The following SLC35A3 variants were observed in gnomAD, a reference collection of about 807,000 sequenced individuals.
SLC35A3 encodes solute carrier family 35 member A3.
Under a neutral mutation model 39.0 loss-of-function variants are expected in SLC35A3, and 26 were observed. The ratio of observed to expected loss-of-function variants is 0.67; its 90% confidence interval spans 0.49 to 0.92. The LOEUF (loss-of-function observed/expected upper bound fraction) is 0.92, where lower values mean the gene tolerates loss of function less well. Among genes scored for constraint, SLC35A3 ranks in the 40% least tolerant of loss-of-function variants. The pLI, the probability that SLC35A3 is intolerant of heterozygous loss-of-function variation, is 0.00. For missense variants in SLC35A3, 299 were observed against 371.6 expected, an observed-to-expected ratio of 0.80 and a Z score of 1.61; for synonymous variants, 135 against 133.1, an observed-to-expected ratio of 1.01 and a Z score of -0.10.
At chr1:99,987,753 T>C (rs2101093053) in intron 1 of SLC35A3, among the ~76,000 whole-genome samples, 1 of 152,272 alleles carries the variant, frequency 6.6e-6, no homozygotes, top group African/African-American at 2.4e-5. Flanking sequence ...CCTGGTAGCT[T>C]GATAGCTTGG....
intron 1 of SLC35A3, chr1:99,970,565 T>C (rs1656744870): frequency 6.5e-7 from 1 of 1,535,838 alleles, no homozygotes; most frequent in Non-Finnish European, 8.7e-7. Flanking sequence ...TTGAGCCCTG[T>C]GGTAGGCACA....
intron 1 of SLC35A3, among the ~76,000 whole-genome samples, chr1:99,990,592 A>C (rs758815797): frequency 2.6e-5 from 4 of 152,160 alleles, no homozygotes; most frequent in Non-Finnish European, 5.9e-5. Flanking sequence ...AAATAAATAA[A>C]AATACATAGA....
At chr1:99,979,226 A>T (rs1657297956) in intron 1 of SLC35A3, among the ~76,000 whole-genome samples, 1 of 152,156 alleles carries the variant, frequency 6.6e-6, no homozygotes, top group Non-Finnish European at 1.5e-5. Context: ...CTGAGTTGAA[A>T]TCTAATTGTC....
At position 100,034,563 on chromosome 1, in the gene SLC35A3, T is replaced by C. The variant is rs1350170650; in HGVS notation, c.*12087T>C. On this transcript the variant is annotated 3_prime_UTR_variant, in exon 8 of 8. Transcript: ENST00000533028. Reference sequence around the variant, plus strand: ...AGCCTTGTATGGATTTTTGGTGGCTTTTCTATTCATGATTAAATGTGTAGG... The same window carrying C: ...AGCCTTGTATGGATTTTTGGTGGCTCTTCTATTCATGATTAAATGTGTAGG... 1.3e-5 allele frequency: 2 copies of C among 152,222 alleles called. No individual in the cohort carries two copies. Among genetic ancestry groups the C allele is most frequent in the African/African-American group, 4.8e-5 (2 of 41,456 alleles). 9.4% of individuals were successfully genotyped at this position (152,222 alleles called of 1,614,324 possible).
chr1:99,976,313 C>A (rs1657102992), intron 1 of SLC35A3, among the ~76,000 whole-genome samples: 1 of 152,164 alleles, frequency 6.6e-6, no homozygotes, highest in South Asian at 2.1e-4. Flanking sequence ...GAAGTGGTTG[C>A]AATTTCATGT....
At position 99,996,526 on chromosome 1, in the gene SLC35A3, C is replaced by A. The variant is rs78864132; in HGVS notation, c.188-2735C>A. 4.8e-3 allele frequency among the ~76,000 whole-genome samples: 725 copies of A among 152,012 alleles called. 4 individuals are homozygous for A. The highest frequency in any genetic ancestry group is 0.014 in the Middle Eastern group (4 of 294). ...CACAATTTCACTGCCCTCAAATTGG[C>A]AAAAATAAAAAGTCTTAATACCAGG... is the stretch of plus-strand genomic sequence containing the variant. On this transcript the variant is annotated intron_variant, in intron 2 of 7. Transcript: ENST00000533028.
intron 1 of SLC35A3, among the ~76,000 whole-genome samples, chr1:99,990,838 A>G (rs1057191270): frequency 5.9e-5 from 9 of 152,154 alleles, no homozygotes; most frequent in African/African-American, 2.2e-4. Flanking sequence ...TGCAGCCCTC[A>G]TGAATGAGAT....
At position 100,023,143 on chromosome 1, in the gene SLC35A3, C is replaced by G. The variant is rs1182904929; in HGVS notation, c.*667C>G. On this transcript the variant is annotated 3_prime_UTR_variant, in exon 8 of 8. Transcript: ENST00000533028. ...TGAATTTTAAGATATTTTAGTGCTT[C>G]AAGACTGCTGAAAGCAATCCAGTTG... The G allele has an allele frequency of 6.6e-6, 1 of 152,146 alleles. No homozygotes were observed. Among genetic ancestry groups the G allele is most frequent in the African/African-American group, 2.4e-5 (1 of 41,448 alleles). The allele number at this position is 152,146 out of a possible 1,614,324, so 9.4% of individuals were successfully genotyped here.
intron 3 of SLC35A3, 110 bp from the exon 4 acceptor site, chr1:100,006,924 C>G: frequency 4.7e-6 from 6 of 1,267,502 alleles, no homozygotes; most frequent in Non-Finnish European, 6.3e-6. Flanking sequence ...CAGCCAGATG[C>G]AACCACCAGG....
intron 1 of SLC35A3, chr1:99,993,139 T>C (rs1658185886): frequency 6.5e-6 from 1 of 154,466 alleles, no homozygotes; most frequent in Non-Finnish European, 1.4e-5. Context: ...TTTTGTTCTA[T>C]GCCTTTGAGC....
chr1:99,991,921 G>T (rs912612311), intron 1 of SLC35A3, among the ~76,000 whole-genome samples: 1 of 152,068 alleles, frequency 6.6e-6, no homozygotes, highest in African/African-American at 2.4e-5. Flanking sequence ...GCTAATTTTT[G>T]TATTTTTAGT....
At chr1:99,994,475 G>C (rs1269866588) in intron 2 of SLC35A3, among the ~76,000 whole-genome samples, 1 of 152,032 alleles carries the variant, frequency 6.6e-6, no homozygotes, top group African/African-American at 2.4e-5. Context: ...ACAGCCCCTA[G>C]TAACCTCTAA....
At chr1:99,997,608 G>C (rs903470878) in intron 2 of SLC35A3, among the ~76,000 whole-genome samples, 1 of 147,702 alleles carries the variant, frequency 6.8e-6, no homozygotes, top group African/African-American at 2.5e-5. Context: ...TTTTCTCAAG[G>C]TTATATTGCA....
chr1:99,975,865 G>T (rs1490776299), intron 1 of SLC35A3, among the ~76,000 whole-genome samples: 2 of 152,118 alleles, frequency 1.3e-5, no homozygotes, highest in Non-Finnish European at 2.9e-5. Context: ...TTTGAGACCA[G>T]CATGGGCAAT....
chr1:99,998,448 G>A (rs542094019), intron 2 of SLC35A3, among the ~76,000 whole-genome samples: 3 of 152,016 alleles, frequency 2.0e-5, no homozygotes, highest in Admixed American at 1.3e-4. Flanking sequence ...AGGAGCCACC[G>A]TGCCCAGCCT....
At chr1:100,009,660 A>G (rs902425233) in intron 4 of SLC35A3, 2 of 152,356 alleles carry the variant, frequency 1.3e-5, no homozygotes, top group Non-Finnish European at 2.9e-5. Context: ...TGTCAGGTTA[A>G]TGGGATTGGA....
intron 6 of SLC35A3, among the ~76,000 whole-genome samples, chr1:100,016,786 G>A (rs1229506469): frequency 2.0e-5 from 3 of 152,174 alleles, no homozygotes; most frequent in Admixed American, 1.3e-4. Context: ...GAGAGTTTAT[G>A]TATGATGTAT....
At position 100,030,579 on chromosome 1, in the gene SLC35A3, AG is replaced by A. The variant is rs1661165637; in HGVS notation, c.*8104del. 1 of 152,234 alleles carries A rather than the reference AG, an allele frequency of 6.6e-6. No homozygotes were observed. The highest frequency in any genetic ancestry group is 1.5e-5 in the Non-Finnish European group (1 of 68,056). 9.4% of individuals were successfully genotyped at this position (152,234 alleles called of 1,614,324 possible). A position where few individuals can be genotyped will look rare whatever the true frequency, so the allele number is the denominator to read the frequency against. The stretch of plus-strand genomic sequence containing the variant: ...TTAAGGGTGACCCAGGGAAGCCAAA[AG>A]ATTGGACACCCCAGCTTTAAATGTA... On this transcript the variant is annotated 3_prime_UTR_variant, in exon 8 of 8. Coordinates refer to ENST00000533028, the MANE Select transcript of SLC35A3 (RefSeq NM_012243.3).
At chr1:99,999,227 C>T in intron 2 of SLC35A3, 34 bp from the exon 3 acceptor site, 2 of 1,398,026 alleles carry the variant, frequency 1.4e-6, no homozygotes, top group South Asian at 1.5e-5. Context: ...TTCAGAGTTA[C>T]TTAATTACTG....
Sources: gnomAD v4.1 joint callset for allele counts (sites outside exome capture counted in the v4.1 genomes callset) on GRCh38, gnomAD v4.1.1 for gene constraint, MANE v1.5 for transcripts, NCBI Gene and HGNC (gene_info 2026-07-23, HGNC 2026-07-21) for gene names.